RASGEF1A: variants seen among roughly 807,000 people sequenced by gnomAD.
RASGEF1A encodes ras-GEF domain-containing family member 1A.
A neutral mutation model predicts 56.4 loss-of-function variants in RASGEF1A; 18 were observed. That is an observed-to-expected ratio of 0.32 (90% CI 0.22 to 0.47). RASGEF1A has a LOEUF of 0.47. RASGEF1A is among the 20% of genes least tolerant of loss of function. RASGEF1A has a pLI of 1.00. For missense variants in RASGEF1A, 422 were observed against 627.1 expected, an observed-to-expected ratio of 0.67 and a Z score of 3.49; for synonymous variants, 245 against 242.6, an observed-to-expected ratio of 1.01 and a Z score of -0.09.
At chr10:43,246,165 C>T (rs140568479) in intron 1 of RASGEF1A, among the ~76,000 whole-genome samples, 40 of 152,042 alleles carry the variant, frequency 2.6e-4, no homozygotes, top group Admixed American at 2.0e-3. Context: ...CAATTCAATT[C>T]GTAATAGCAT....
chr10:43,228,045 G>A (rs577217073), intron 1 of RASGEF1A, among the ~76,000 whole-genome samples: 17 of 152,054 alleles, frequency 1.1e-4, no homozygotes, highest in Non-Finnish European at 7.4e-5. Context: ...GCAGCCCCAC[G>A]GGGAGCACAT....
intron 1 of RASGEF1A, among the ~76,000 whole-genome samples, chr10:43,258,693 C>G (rs1231747058): frequency 6.6e-6 from 1 of 152,352 alleles, no homozygotes; most frequent in African/African-American, 2.4e-5. Flanking sequence ...AGGCCAGCCC[C>G]TAGGAGCAGG....
chr10:43,214,030 C>T (rs1273750771), intron 1 of RASGEF1A, among the ~76,000 whole-genome samples: 1 of 152,194 alleles, frequency 6.6e-6, no homozygotes, highest in Non-Finnish European at 1.5e-5. Flanking sequence ...GCTGGATGCG[C>T]TCCTCGGGAG....
chr10:43,216,320 C>T (rs1450337700), intron 1 of RASGEF1A, among the ~76,000 whole-genome samples: 1 of 152,186 alleles, frequency 6.6e-6, no homozygotes, highest in African/African-American at 2.4e-5. Flanking sequence ...CTCCTCCCAC[C>T]AGGACATCGG....
chr10:43,230,374 C>T (rs944907328), intron 1 of RASGEF1A, among the ~76,000 whole-genome samples: 1 of 152,206 alleles, frequency 6.6e-6, no homozygotes, highest in Non-Finnish European at 1.5e-5. Flanking sequence ...CACAGTGAGG[C>T]TCCTCCCGCC....
intron 1 of RASGEF1A, among the ~76,000 whole-genome samples, chr10:43,228,150 C>T (rs982735948): frequency 7.2e-5 from 11 of 152,210 alleles, no homozygotes; most frequent in African/African-American, 2.2e-4. Context: ...TCCTCTTGGG[C>T]TCTGCTCCTG....
chr10:43,250,073 C>A (rs1840609481), intron 1 of RASGEF1A, among the ~76,000 whole-genome samples: 1 of 152,252 alleles, frequency 6.6e-6, no homozygotes, highest in Admixed American at 6.5e-5. Context: ...AAGCCCTTCA[C>A]CTTTCTGAAC....
chr10:43,248,054 T>TA (rs35759015), intron 1 of RASGEF1A, among the ~76,000 whole-genome samples: 207 of 138,726 alleles, frequency 1.5e-3, no homozygotes, highest in African/African-American at 4.1e-3. Context: ...AAAATAAGAT[T>TA]AAAAAAAAAA....
intron 1 of RASGEF1A, among the ~76,000 whole-genome samples, chr10:43,250,568 C>G (rs1246517790): frequency 6.6e-6 from 1 of 152,194 alleles, no homozygotes; most frequent in East Asian, 1.9e-4. Flanking sequence ...TTGGAATCTT[C>G]TGCCAGCTCA....
At chr10:43,228,899 GAGTCCT>G (rs1840319024) in intron 1 of RASGEF1A, among the ~76,000 whole-genome samples, 2 of 152,218 alleles carry the variant, frequency 1.3e-5, no homozygotes, top group Non-Finnish European at 2.9e-5. Context: ...AGGGACAGAT[GAGTCCT>G]GCATCTTTCA....
intron 1 of RASGEF1A, among the ~76,000 whole-genome samples, chr10:43,261,320 A>G (rs1836523555): frequency 6.6e-6 from 1 of 152,212 alleles, no homozygotes; most frequent in South Asian, 2.1e-4. Flanking sequence ...CCCAGCTCCC[A>G]GAAACACCTA....
intron 6 of RASGEF1A, 93 bp downstream of exon 6, chr10:43,200,089 G>T: frequency 9.7e-7 from 1 of 1,028,076 alleles, no homozygotes; most frequent in Non-Finnish European, 1.5e-6. Flanking sequence ...GACGCTCGGG[G>T]CGTGCTGAGT....
At chr10:43,256,707 C>A (rs527640295) in intron 1 of RASGEF1A, among the ~76,000 whole-genome samples, 1 of 152,154 alleles carries the variant, frequency 6.6e-6, no homozygotes, top group African/African-American at 2.4e-5. Flanking sequence ...TGTGGACCAG[C>A]GCACACCACA....
At chr10:43,247,611 G>A (rs1353504610) in intron 1 of RASGEF1A, among the ~76,000 whole-genome samples, 1 of 151,820 alleles carries the variant, frequency 6.6e-6, no homozygotes, top group African/African-American at 2.4e-5. Flanking sequence ...AAGAACTTGA[G>A]AACAGTATGC....
intron 1 of RASGEF1A, among the ~76,000 whole-genome samples, chr10:43,266,294 G>A (rs1361961441): frequency 6.6e-6 from 1 of 152,212 alleles, no homozygotes; most frequent in African/African-American, 2.4e-5. Context: ...TTGCCCAGCA[G>A]GGAGAGGGAG....
intron 2 of RASGEF1A, chr10:43,203,712 T>G: frequency 3.5e-6 from 4 of 1,144,308 alleles, no homozygotes; most frequent in East Asian, 6.9e-5. Context: ...CACGCCACCA[T>G]AGGGCTAACC....
chr10:43,243,683 G>A (rs1362377392), intron 1 of RASGEF1A, among the ~76,000 whole-genome samples: 1 of 148,240 alleles, frequency 6.7e-6, no homozygotes, highest in Non-Finnish European at 1.5e-5. Context: ...CTTCGTCTGG[G>A]AGGTGGGGAG....
At chr10:43,265,814 G>A (rs996484572) in intron 1 of RASGEF1A, among the ~76,000 whole-genome samples, 6 of 152,364 alleles carry the variant, frequency 3.9e-5, no homozygotes, top group East Asian at 3.9e-4. Flanking sequence ...GACTGCATCC[G>A]GAGGGGGCGG....
chr10:43,199,804 G>T, intron 6 of RASGEF1A, 36 bp from the exon 7 acceptor site: 1 of 1,566,542 alleles, frequency 6.4e-7, no homozygotes, highest in Non-Finnish European at 8.8e-7. Context: ...GGGGCCTGGA[G>T]GACCATGGCT....
Sources: allele counts gnomAD v4.1 joint callset (sites outside exome capture counted in the v4.1 genomes callset), GRCh38; gene constraint gnomAD v4.1.1; transcripts MANE v1.5; gene names NCBI Gene and HGNC (gene_info 2026-07-23, HGNC 2026-07-21).